Variants in FHIT observed in about 807,000 individuals in gnomAD.
FHIT encodes the protein bis(5'-adenosyl)-triphosphatase.
FHIT carries 19 observed loss-of-function variants against 17.9 expected under a neutral mutation model. The ratio of observed to expected loss-of-function variants is 1.06; its 90% confidence interval spans 0.74 to 1.56. The LOEUF is 1.56. Ranked by LOEUF, FHIT falls within the 40% of genes most tolerant of loss-of-function variation. FHIT has a pLI of 0.00. For missense variants in FHIT, 248 were observed against 189.2 expected, an observed-to-expected ratio of 1.31 and a Z score of -1.82; for synonymous variants, 81 against 69.7, an observed-to-expected ratio of 1.16 and a Z score of -0.81.
chr3:60,324,791 C>G (rs556867980), intron 5 of FHIT, among the ~76,000 whole-genome samples: 149 of 152,130 alleles, frequency 9.8e-4, no homozygotes, highest in Non-Finnish European at 1.9e-3. Context: ...ACTTTTAACC[C>G]TCTTCTCATA....
At chr3:61,069,645 T>A (rs908751195) in intron 2 of FHIT, among the ~76,000 whole-genome samples, 1 of 152,204 alleles carries the variant, frequency 6.6e-6, no homozygotes, top group Non-Finnish European at 1.5e-5. Context: ...TGGCAGGCAG[T>A]ACTAACCAAC....
At chr3:60,100,555 C>T (rs6804216) in intron 5 of FHIT, among the ~76,000 whole-genome samples, 117,663 of 152,004 alleles carry the variant, frequency 0.77, 46,902 homozygotes, top group East Asian at 0.98. Context: ...GAGGAGCCTT[C>T]GTCCCTCACT....
chr3:61,206,657 C>T (rs140016203), intron 1 of FHIT, among the ~76,000 whole-genome samples: 16,171 of 151,764 alleles, frequency 0.11, 1,051 homozygotes, highest in South Asian at 0.21. Context: ...GTGATTTTTG[C>T]ACATTGATTT....
intron 4 of FHIT, among the ~76,000 whole-genome samples, chr3:60,620,521 C>T (rs555925326): frequency 4.6e-5 from 7 of 151,028 alleles, no homozygotes; most frequent in African/African-American, 1.5e-4. Flanking sequence ...AGGCATACTG[C>T]GAAGCAAAAG....
chr3:60,339,810 C>A (rs1214353192), intron 5 of FHIT, among the ~76,000 whole-genome samples: 1 of 152,192 alleles, frequency 6.6e-6, no homozygotes, highest in East Asian at 1.9e-4. Context: ...CCACAGACAA[C>A]ACGGTGGGCC....
chr3:60,011,489 G>A (rs1700138506), intron 6 of FHIT, 89 bp from the exon 7 acceptor site: 1 of 1,107,426 alleles, frequency 9.0e-7, no homozygotes, highest in Non-Finnish European at 1.4e-6. Flanking sequence ...TAATTTAGAT[G>A]CAATTTCATT....
chr3:60,202,351 G>A (rs566417628), intron 5 of FHIT, among the ~76,000 whole-genome samples: 2 of 152,288 alleles, frequency 1.3e-5, no homozygotes, highest in East Asian at 3.9e-4. Flanking sequence ...TCCTGCAGGG[G>A]CAAAGCAATG....
At position 60,009,161 on chromosome 3, in the gene FHIT, TTTTATGTGTGTGTGTG is replaced by T. The variant is rs1179223699; in HGVS notation, c.279+2194_279+2209del. 4.8e-4 allele frequency among the ~76,000 whole-genome samples: 34 copies of T among 71,032 alleles called. No homozygotes were observed. The East Asian group carries it at 6.7e-3, about 14-fold the overall frequency. The allele number at this position is 71,032 out of a possible 152,430, so 46.6% of individuals were successfully genotyped here. On this transcript the variant is annotated intron_variant, in intron 7 of 9. Transcript: ENST00000492590. Reference sequence around the variant, plus strand: ...TTGGAACCTTCATTGTTCTCTGGGATTTTATGTGTGTGTGTGTGTGTGTGTGTGTGTGTGTGTGTGT... The same window carrying T: ...TTGGAACCTTCATTGTTCTCTGGGATTGTGTGTGTGTGTGTGTGTGTGTGT...
rs78308416 is a variant in FHIT at position 59,956,871 on chromosome 3, A to T, written c.280-34457T>A. Reference sequence around the variant, plus strand: ...AAATCCCTATCATCCTTTAGTTCTCATCTTAAATGTTTCTGCTTAAAGCAC... The same window carrying T: ...AAATCCCTATCATCCTTTAGTTCTCTTCTTAAATGTTTCTGCTTAAAGCAC... On this transcript the variant is annotated intron_variant, in intron 7 of 9. Coordinates refer to ENST00000492590, the MANE Select transcript of FHIT (RefSeq NM_002012.4). Among the ~76,000 whole-genome samples, 386 of 152,304 alleles carry T rather than the reference A, an allele frequency of 2.5e-3. 1 individual carries two copies. The highest frequency in any genetic ancestry group is 9.0e-3 in the African/African-American group (373 of 41,562).
intron 5 of FHIT, among the ~76,000 whole-genome samples, chr3:60,078,613 A>C (rs1175110921): frequency 6.6e-6 from 1 of 152,332 alleles, no homozygotes; most frequent in East Asian, 1.9e-4. Context: ...TAAGGTCTGC[A>C]GACCAGAAAT....
chr3:61,215,595 A>G (rs1260451299), intron 1 of FHIT, among the ~76,000 whole-genome samples: 2 of 152,238 alleles, frequency 1.3e-5, no homozygotes, highest in Non-Finnish European at 2.9e-5. Context: ...ATTCAATGCC[A>G]TCCCCATCAA....
At chr3:60,652,727 CAAAAAAA>C (rs782637479) in intron 4 of FHIT, among the ~76,000 whole-genome samples, 485 of 58,998 alleles carry the variant, frequency 8.2e-3, no homozygotes, top group Non-Finnish European at 0.014. Flanking sequence ...GACTCCATCT[CAAAAAAA>C]AAAAAAAAAA....
intron 8 of FHIT, among the ~76,000 whole-genome samples, chr3:59,822,827 T>C (rs746785330): frequency 6.6e-6 from 1 of 152,200 alleles, no homozygotes; most frequent in Non-Finnish European, 1.5e-5. Flanking sequence ...TATTTATCTT[T>C]GTTTTTGTTG....
chr3:60,110,245 T>G (rs949762174), intron 5 of FHIT, among the ~76,000 whole-genome samples: 12 of 152,204 alleles, frequency 7.9e-5, no homozygotes, highest in African/African-American at 2.9e-4. Context: ...TTTCATATCA[T>G]GTAATATACT....
intron 3 of FHIT, among the ~76,000 whole-genome samples, chr3:60,824,400 A>G (rs1234271400): frequency 1.3e-5 from 2 of 152,240 alleles, no homozygotes; most frequent in African/African-American, 4.8e-5. Flanking sequence ...TGAATAAATT[A>G]TCTTCTCAAA....
At chr3:61,189,446 A>G (rs963094065) in intron 2 of FHIT, among the ~76,000 whole-genome samples, 3 of 152,208 alleles carry the variant, frequency 2.0e-5, no homozygotes. Flanking sequence ...ATACAAACAA[A>G]TGGAAGAACA....
chr3:60,238,403 T>G (rs1576353043), intron 5 of FHIT, among the ~76,000 whole-genome samples: 1 of 140,828 alleles, frequency 7.1e-6, no homozygotes, highest in East Asian at 2.1e-4. Flanking sequence ...AGCCATGGTT[T>G]TATTATCTTA....
intron 7 of FHIT, among the ~76,000 whole-genome samples, chr3:59,938,355 T>C (rs1428493398): frequency 6.6e-6 from 1 of 151,848 alleles, no homozygotes; most frequent in African/African-American, 2.4e-5. Flanking sequence ...GTAAAATATA[T>C]AGAGATAGAG....
At chr3:61,243,573 G>T (rs900534972) in intron 1 of FHIT, among the ~76,000 whole-genome samples, 2 of 152,138 alleles carry the variant, frequency 1.3e-5, no homozygotes, top group Admixed American at 6.5e-5. Flanking sequence ...TACTCAATTA[G>T]AATGTAAGAA....
Sources: allele counts gnomAD v4.1 joint callset (sites outside exome capture counted in the v4.1 genomes callset), GRCh38; gene constraint gnomAD v4.1.1; transcripts MANE v1.5; gene names NCBI Gene and HGNC (gene_info 2026-07-23, HGNC 2026-07-21).